CPNE4: variants seen among roughly 807,000 people sequenced by gnomAD.
CPNE4 encodes copine 4.
In CPNE4, 25 loss-of-function variants were observed where a neutral mutation model predicts 67.9. That is an observed-to-expected ratio of 0.37 (90% CI 0.27 to 0.51). CPNE4 has a LOEUF of 0.51. Ranked by LOEUF, CPNE4 falls within the 20% of genes least tolerant of loss-of-function variation. The probability of loss-of-function intolerance (pLI) is 0.93; values close to 1 mark genes in which losing one functional copy is unlikely to be tolerated. For synonymous variants in CPNE4, 242 were observed against 244.9 expected, an observed-to-expected ratio of 0.99 and a Z score of 0.11; for missense variants, 464 against 690.8, an observed-to-expected ratio of 0.67 and a Z score of 3.68.
intron 3 of CPNE4, among the ~76,000 whole-genome samples, chr3:131,709,801 A>T (rs919414371): frequency 1.3e-5 from 2 of 152,250 alleles, no homozygotes; most frequent in Non-Finnish European, 2.9e-5. Flanking sequence ...CTGGCAGAAT[A>T]TAAGAACTCT....
chr3:131,762,462 G>A (rs1032431696), intron 2 of CPNE4, among the ~76,000 whole-genome samples: 1 of 152,018 alleles, frequency 6.6e-6, no homozygotes, highest in Admixed American at 6.6e-5. Context: ...AACTTACCAA[G>A]TGTTATTCAT....
chr3:131,751,659 A>G (rs575380225), intron 2 of CPNE4, among the ~76,000 whole-genome samples: 2 of 151,812 alleles, frequency 1.3e-5, no homozygotes, highest in Non-Finnish European at 2.9e-5. Context: ...GTCTTTTCTC[A>G]TTTGGTTTGA....
At position 131,905,142 on chromosome 3, in the gene CPNE4, T is replaced by C. The variant is rs559352355; in HGVS notation, c.180+122A>G. On this transcript the variant is annotated intron_variant, in intron 2 of 15. Transcript: ENST00000429747. ...TCAAAACATCATGATAGAAATGTGA[T>C]CATATTCACTTCTCAAATTTCTTAT... is the stretch of plus-strand genomic sequence containing the variant. 3.4e-5 allele frequency: 29 copies of C among 844,228 alleles called. No individual in the cohort carries two copies. In the African/African-American group the frequency reaches 3.9e-4, roughly 11 times the overall value. The allele number at this position is 844,228 out of a possible 1,614,324, so 52.3% of individuals were successfully genotyped here.
chr3:131,826,978 A>G (rs1210881539), intron 2 of CPNE4, among the ~76,000 whole-genome samples: 1 of 152,088 alleles, frequency 6.6e-6, no homozygotes, highest in African/African-American at 2.4e-5. Context: ...TTGAGGTTGC[A>G]GTGAGCTTCT....
At chr3:131,545,239 C>G (rs896153920) in intron 14 of CPNE4, among the ~76,000 whole-genome samples, 17 of 152,258 alleles carry the variant, frequency 1.1e-4, no homozygotes, top group African/African-American at 3.9e-4. Context: ...TATTATTCTA[C>G]TTTTGATTTT....
chr3:131,926,547 AAGG>A (rs2070901066), intron 1 of CPNE4, among the ~76,000 whole-genome samples: 1 of 152,130 alleles, frequency 6.6e-6, no homozygotes, highest in African/African-American at 2.4e-5. Context: ...TGAGAAGGGG[AAGG>A]AGGAGATGAA....
intron 7 of CPNE4, among the ~76,000 whole-genome samples, chr3:131,666,487 AAAGCAAGGACGTTATC>A (rs946063629): frequency 6.6e-6 from 1 of 152,162 alleles, no homozygotes; most frequent in African/African-American, 2.4e-5. Flanking sequence ...TTCATTCCAG[AAAGCAAGGACGTTATC>A]AAGCAAGGAC....
At chr3:131,954,004 C>G (rs1337711208) in intron 1 of CPNE4, among the ~76,000 whole-genome samples, 1 of 151,850 alleles carries the variant, frequency 6.6e-6, no homozygotes, top group East Asian at 1.9e-4. Context: ...TCACATACAC[C>G]CCATAAATAT....
At chr3:131,576,275 C>T (rs1937546039) in intron 9 of CPNE4, among the ~76,000 whole-genome samples, 1 of 152,074 alleles carries the variant, frequency 6.6e-6, no homozygotes, top group Non-Finnish European at 1.5e-5. Flanking sequence ...CTTTTGGTGT[C>T]CTGATGGTAA....
intron 7 of CPNE4, among the ~76,000 whole-genome samples, chr3:131,630,817 T>A (rs1450448162): frequency 6.6e-6 from 1 of 152,228 alleles, no homozygotes; most frequent in Non-Finnish European, 1.5e-5. Flanking sequence ...AATGTGTGTC[T>A]TAGACTCAAT....
intron 2 of CPNE4, among the ~76,000 whole-genome samples, chr3:131,874,335 GC>G (rs1183870795): frequency 6.6e-6 from 1 of 152,108 alleles, no homozygotes; most frequent in Non-Finnish European, 1.5e-5. Flanking sequence ...TGATTCGCCC[GC>G]CTCGGCCTCC....
intron 2 of CPNE4, among the ~76,000 whole-genome samples, chr3:131,804,788 C>T (rs1304075158): frequency 6.6e-6 from 1 of 152,180 alleles, no homozygotes; most frequent in Non-Finnish European, 1.5e-5. Context: ...CTCAGGCTAA[C>T]CTGATAGAGA....
intron 2 of CPNE4, among the ~76,000 whole-genome samples, chr3:131,739,933 G>C (rs954655380): frequency 2.6e-5 from 4 of 152,164 alleles, no homozygotes; most frequent in Admixed American, 1.3e-4. Flanking sequence ...ACCTCTCTCT[G>C]TACCATATAT....
intron 2 of CPNE4, among the ~76,000 whole-genome samples, chr3:131,777,096 G>A (rs9853154): frequency 0.2 from 29,651 of 151,986 alleles, 3,546 homozygotes; most frequent in Non-Finnish European, 0.26. Flanking sequence ...CACAGATTTC[G>A]CCTCATTCAA....
intron 2 of CPNE4, among the ~76,000 whole-genome samples, chr3:131,757,348 T>C (rs918697730): frequency 2.0e-5 from 3 of 152,198 alleles, no homozygotes; most frequent in Admixed American, 6.5e-5. Flanking sequence ...TGTTGGGAAC[T>C]GGAACAAACG....
At chr3:131,632,296 C>T (rs1212739615) in intron 7 of CPNE4, among the ~76,000 whole-genome samples, 1 of 152,040 alleles carries the variant, frequency 6.6e-6, no homozygotes, top group African/African-American at 2.4e-5. Context: ...AGGCATGAGC[C>T]ACTGTGCTCC....
chr3:131,824,775 T>C (rs2085089310), intron 2 of CPNE4, among the ~76,000 whole-genome samples: 1 of 152,168 alleles, frequency 6.6e-6, no homozygotes, highest in Non-Finnish European at 1.5e-5. Flanking sequence ...AGTGTCCTTC[T>C]GCTTGCTGCT....
intron 6 of CPNE4, among the ~76,000 whole-genome samples, chr3:131,678,191 T>C (rs1401305027): frequency 6.6e-6 from 1 of 151,908 alleles, no homozygotes; most frequent in Non-Finnish European, 1.5e-5. Context: ...TTTTTTTTAG[T>C]AGCAATTGTG....
chr3:131,880,796 G>A (rs1316375139), intron 2 of CPNE4, among the ~76,000 whole-genome samples: 1 of 152,348 alleles, frequency 6.6e-6, no homozygotes, highest in East Asian at 1.9e-4. Flanking sequence ...CAAACATTAA[G>A]TACCATTCTT....
Sources: allele counts gnomAD v4.1 joint callset (sites outside exome capture counted in the v4.1 genomes callset), GRCh38; gene constraint gnomAD v4.1.1; transcripts MANE v1.5; gene names NCBI Gene and HGNC (gene_info 2026-07-23, HGNC 2026-07-21).